Variants in ANO4 observed in about 807,000 individuals in gnomAD.
ANO4 encodes anoctamin 4, also known as anoctamin-4.
In ANO4, 69 loss-of-function variants were observed where a neutral mutation model predicts 141.9. The observed-to-expected ratio is 0.49, with a 90% CI of 0.40 to 0.59. The LOEUF (loss-of-function observed/expected upper bound fraction) is 0.59. Ranked by LOEUF, ANO4 falls within the 20% of genes least tolerant of loss-of-function variation. ANO4 has a pLI of 0.00. For missense variants in ANO4, 894 were observed against 1,162.2 expected (o/e 0.77, Z 3.36); for synonymous variants, 350 against 394.3 (o/e 0.89, Z 1.33).
At chr12:101,104,358 G>A (rs2050324414) in intron 22 of ANO4, among the ~76,000 whole-genome samples, 1 of 150,912 alleles carries the variant, frequency 6.6e-6, no homozygotes, top group Non-Finnish European at 1.5e-5. Flanking sequence ...GAGCTATAAT[G>A]TTCTCTATAA....
chr12:101,116,529 A>C (rs1441115236), intron 24 of ANO4, 150 bp from the exon 25 acceptor site: 1 of 1,100,532 alleles, frequency 9.1e-7, no homozygotes, highest in East Asian at 2.4e-5. Flanking sequence ...AGGGCTTTCC[A>C]GCGTATCCCA....
chr12:100,966,804 T>C (rs539125140), intron 5 of ANO4, among the ~76,000 whole-genome samples: 10 of 147,712 alleles, frequency 6.8e-5, no homozygotes, highest in South Asian at 2.2e-4. Context: ...TGTATATATA[T>C]ACACACACAC....
At chr12:100,900,089 T>A (rs1233227281) in intron 1 of ANO4, among the ~76,000 whole-genome samples, 1 of 146,678 alleles carries the variant, frequency 6.8e-6, no homozygotes, top group Non-Finnish European at 1.5e-5. Context: ...AAAAGTACAG[T>A]TCTCACTCAG....
intron 1 of ANO4, among the ~76,000 whole-genome samples, chr12:100,821,870 T>A (rs1472653965): frequency 6.6e-6 from 1 of 152,040 alleles, no homozygotes; most frequent in African/African-American, 2.4e-5. Context: ...CACTTAGAAA[T>A]GGAACTGATC....
At chr12:100,778,446 T>C (rs1424200259) in intron 3 of ANO4, among the ~76,000 whole-genome samples, 1 of 152,188 alleles carries the variant, frequency 6.6e-6, no homozygotes, top group Admixed American at 6.5e-5. Flanking sequence ...GAACATTTAG[T>C]GTTGCATTCT....
At chr12:100,796,859 G>A (rs910079189) in intron 1 of ANO4, among the ~76,000 whole-genome samples, 7 of 151,892 alleles carry the variant, frequency 4.6e-5, no homozygotes, top group Non-Finnish European at 7.4e-5. Flanking sequence ...TTTTCTAATT[G>A]AAAGGATGTT....
At chr12:100,948,892 T>C (rs1466271592) in intron 5 of ANO4, among the ~76,000 whole-genome samples, 1 of 152,222 alleles carries the variant, frequency 6.6e-6, no homozygotes, top group African/African-American at 2.4e-5. Flanking sequence ...GATTATCTTA[T>C]ATGGTGTATA....
intron 3 of ANO4, among the ~76,000 whole-genome samples, chr12:100,766,982 GAC>G (rs1461687613): frequency 6.6e-6 from 1 of 152,036 alleles, no homozygotes; most frequent in Non-Finnish European, 1.5e-5. Context: ...TGTCTCTTGT[GAC>G]AGTTTGTGAT....
At chr12:101,012,398 CAGGAG>C (rs2046133752) in intron 8 of ANO4, among the ~76,000 whole-genome samples, 1 of 152,006 alleles carries the variant, frequency 6.6e-6, no homozygotes, top group Non-Finnish European at 1.5e-5. Context: ...ATTATTGGGG[CAGGAG>C]AGTGACTATC....
chr12:100,968,552 G>A (rs960740080), intron 5 of ANO4, among the ~76,000 whole-genome samples: 1 of 152,068 alleles, frequency 6.6e-6, no homozygotes, highest in Non-Finnish European at 1.5e-5. Flanking sequence ...TTATAGGAAA[G>A]CTAAGTGAAT....
intron 3 of ANO4, among the ~76,000 whole-genome samples, chr12:100,775,976 G>C (rs541533164): frequency 6.6e-6 from 1 of 152,040 alleles, no homozygotes; most frequent in East Asian, 1.9e-4. Flanking sequence ...GATGAATATA[G>C]GCAGCACTGA....
chr12:100,850,893 G>C (rs2037836627), intron 1 of ANO4, among the ~76,000 whole-genome samples: 1 of 151,750 alleles, frequency 6.6e-6, no homozygotes, highest in Non-Finnish European at 1.5e-5. Context: ...ATTTTTTCAG[G>C]TTAAAAATTA....
chr12:100,792,270 T>C (rs1007794167), upstream of ANO4, among the ~76,000 whole-genome samples: 6 of 152,336 alleles, frequency 3.9e-5, no homozygotes, highest in African/African-American at 1.4e-4. Flanking sequence ...ATCTTATTTC[T>C]TTTTAAATAA....
At chr12:101,109,977 G>T (rs1480355454) in intron 22 of ANO4, among the ~76,000 whole-genome samples, 1 of 152,100 alleles carries the variant, frequency 6.6e-6, no homozygotes, top group Non-Finnish European at 1.5e-5. Flanking sequence ...AATTGTTCCA[G>T]ATTTGGCCGT....
At chr12:101,080,163 A>G (rs772691051) in intron 15 of ANO4, among the ~76,000 whole-genome samples, 10 of 152,260 alleles carry the variant, frequency 6.6e-5, no homozygotes, top group Middle Eastern at 3.2e-3. Context: ...AAGGGAACAC[A>G]TGTATATATT....
intron 1 of ANO4, among the ~76,000 whole-genome samples, chr12:100,867,295 G>C (rs1469856306): frequency 3.3e-5 from 5 of 152,120 alleles, no homozygotes; most frequent in African/African-American, 1.2e-4. Flanking sequence ...ATATTGCCCA[G>C]ATGAGCATTA....
intron 9 of ANO4, among the ~76,000 whole-genome samples, chr12:101,036,311 T>C (rs1007681075): frequency 4.6e-5 from 7 of 152,138 alleles, no homozygotes; most frequent in Admixed American, 1.3e-4. Context: ...AAATAAAAAA[T>C]GAACTACCGT....
intron 3 of ANO4, among the ~76,000 whole-genome samples, chr12:100,745,191 T>C (rs2032048076): frequency 6.6e-6 from 1 of 152,232 alleles, no homozygotes; most frequent in Admixed American, 6.5e-5. Flanking sequence ...CTTGATTCTT[T>C]ACTGTTCCCT....
At chr12:100,808,284 T>C (rs1306901532) in intron 1 of ANO4, among the ~76,000 whole-genome samples, 1 of 152,200 alleles carries the variant, frequency 6.6e-6, no homozygotes, top group Non-Finnish European at 1.5e-5. Flanking sequence ...GGTGTCTCAT[T>C]TGATTTGCAT....
Sources: allele counts gnomAD v4.1 joint callset (sites outside exome capture counted in the v4.1 genomes callset), GRCh38; gene constraint gnomAD v4.1.1; transcripts MANE v1.5; gene names NCBI Gene and HGNC (gene_info 2026-07-23, HGNC 2026-07-21).